NAA35: variants seen among roughly 807,000 people sequenced by gnomAD.
The protein encoded by NAA35 is MAK10 homolog, amino-acid N-acetyltransferase subunit.
NAA35 carries 18 observed loss-of-function variants against 101.7 expected under a neutral mutation model. The ratio of observed to expected loss-of-function variants is 0.18; its 90% confidence interval spans 0.12 to 0.26. The LOEUF (loss-of-function observed/expected upper bound fraction) is 0.26. NAA35 is among the 10% of genes least tolerant of loss of function. The probability of loss-of-function intolerance (pLI) is 1.00; values close to 1 mark genes in which losing one functional copy is unlikely to be tolerated. For synonymous variants in NAA35, 267 were observed against 273.1 expected, an observed-to-expected ratio of 0.98 and a Z score of 0.22; for missense variants, 601 against 886.8, an observed-to-expected ratio of 0.68 and a Z score of 4.09.
At position 86,007,460 on chromosome 9, in the gene NAA35, C is replaced by G. The variant is rs906608648; in HGVS notation, c.1219C>G (p.Pro407Ala). ...TTTTGTCAGTCCTCCGGTGCTTTCCCCCAAGTAAGTATTGTAAGACATTTT... is the reference window on the plus strand; with the variant it reads ...TTTTGTCAGTCCTCCGGTGCTTTCCGCCAAGTAAGTATTGTAAGACATTTT... Reference protein sequence around the residue: ...RSFVSPPVLSPKCYLYNNHQA... With the variant: ...RSFVSPPVLSAKCYLYNNHQA... Residue 407 changes from proline to alanine, a missense_variant, in exon 14 of 23, where the codon CCC (proline) becomes GCC (alanine). By Grantham distance (27) the Pro-to-Ala change is conservative. Around this residue, in one of 8 missense-constraint regions of NAA35, gnomAD observed 190 missense variants for 223.1 expected, o/e 0.85. Coordinates refer to ENST00000361671, the MANE Select transcript of NAA35 (RefSeq NM_024635.4). 1 of 1,611,688 alleles carries G rather than the reference C, an allele frequency of 6.2e-7. No individual in the cohort carries two copies. Among genetic ancestry groups the G allele is most frequent in the Non-Finnish European group, 8.5e-7 (1 of 1,178,166 alleles).
At chr9:85,989,027 G>A (rs1407985104) in intron 11 of NAA35, among the ~76,000 whole-genome samples, 1 of 152,178 alleles carries the variant, frequency 6.6e-6, no homozygotes, top group Non-Finnish European at 1.5e-5. Flanking sequence ...AGAGTATAAT[G>A]TGTTCCAGGA....
At chr9:85,978,233 T>C (rs1328222431) in intron 10 of NAA35, 34 bp from the exon 11 acceptor site, 1 of 1,226,656 alleles carries the variant, frequency 8.2e-7, no homozygotes, top group South Asian at 1.2e-5. Flanking sequence ...AGTGAAAGAA[T>C]ATGTAAGAAT....
intron 13 of NAA35, among the ~76,000 whole-genome samples, chr9:86,006,204 G>A (rs534395686): frequency 1.3e-5 from 2 of 152,220 alleles, no homozygotes; most frequent in South Asian, 2.1e-4. Flanking sequence ...CCAAGTGCTG[G>A]TGAGGATGTA....
chr9:85,981,756 G>T (rs1482220368), intron 11 of NAA35, among the ~76,000 whole-genome samples: 1 of 152,096 alleles, frequency 6.6e-6, no homozygotes, highest in Admixed American at 6.5e-5. Flanking sequence ...ATAATTTAAC[G>T]TTCTAATTAT....
intron 11 of NAA35, among the ~76,000 whole-genome samples, chr9:85,991,037 G>T (rs572109720): frequency 7.2e-5 from 11 of 152,268 alleles, no homozygotes; most frequent in African/African-American, 2.4e-4. Context: ...AGTGGAGAAG[G>T]GTATTTCCAC....
At chr9:85,990,883 G>A (rs577762257) in intron 11 of NAA35, among the ~76,000 whole-genome samples, 9 of 152,202 alleles carry the variant, frequency 5.9e-5, no homozygotes, top group Non-Finnish European at 1.0e-4. Flanking sequence ...TGTGGAGTAA[G>A]GAAGTGTCCA....
At chr9:86,001,507 T>C (rs1172479872) in intron 12 of NAA35, among the ~76,000 whole-genome samples, 1 of 152,178 alleles carries the variant, frequency 6.6e-6, no homozygotes, top group African/African-American at 2.4e-5. Context: ...ACTGTTGTTA[T>C]GTGGGAGTCT....
At position 86,022,127 on chromosome 9, in the gene NAA35, A is replaced by G. The variant is rs1832589723; in HGVS notation, c.*167A>G. 1 of 556,898 alleles carries G rather than the reference A, an allele frequency of 1.8e-6. No individual in the cohort carries two copies. The highest frequency in any genetic ancestry group is 1.9e-5 in the African/African-American group (1 of 52,180). The allele number at this position is 556,898 out of a possible 1,614,324, so 34.5% of individuals were successfully genotyped here. A position where few individuals can be genotyped will look rare whatever the true frequency, so the allele number is the denominator to read the frequency against. On this transcript the variant is annotated 3_prime_UTR_variant, in exon 23 of 23. Coordinates refer to ENST00000361671, the MANE Select transcript of NAA35 (RefSeq NM_024635.4). ...GACAGCCTTATATGACATGAATGAA[A>G]ACTGCTGTTTTAAAGTGGTTTATTA...
At chr9:85,954,888 G>A (rs1469869524) in intron 2 of NAA35, among the ~76,000 whole-genome samples, 3 of 152,112 alleles carry the variant, frequency 2.0e-5, no homozygotes, top group Non-Finnish European at 4.4e-5. Flanking sequence ...TGGATTACTA[G>A]TATGTGTTCT....
intron 12 of NAA35, among the ~76,000 whole-genome samples, chr9:86,000,231 C>T (rs190351933): frequency 1.3e-5 from 2 of 152,276 alleles, no homozygotes; most frequent in Admixed American, 6.5e-5. Context: ...AACAACCTTG[C>T]ATCCCAGGGA....
At chr9:85,966,524 T>TA (rs1182021694) in intron 6 of NAA35, 42 of 756,630 alleles carry the variant, frequency 5.6e-5, no homozygotes, top group Non-Finnish European at 6.9e-5. Context: ...ATCCAGGAAA[T>TA]ACAAATGAAA....
intron 6 of NAA35, among the ~76,000 whole-genome samples, chr9:85,963,478 A>G (rs1174577724): frequency 1.3e-5 from 2 of 152,048 alleles, no homozygotes; most frequent in South Asian, 2.1e-4. Flanking sequence ...TGTGTTGGCC[A>G]GGCTGATCTC....
intron 2 of NAA35, among the ~76,000 whole-genome samples, chr9:85,946,027 T>C (rs1223037414): frequency 6.6e-6 from 1 of 152,214 alleles, no homozygotes; most frequent in Non-Finnish European, 1.5e-5. Context: ...TTTTCTTTTC[T>C]AAATTATTTA....
chr9:85,954,064 A>T (rs994435676), intron 2 of NAA35, among the ~76,000 whole-genome samples: 7 of 152,106 alleles, frequency 4.6e-5, no homozygotes, highest in African/African-American at 1.7e-4. Flanking sequence ...GCTGGATCAT[A>T]TGGTAATTCT....
chr9:86,017,668 CTTTG>C (rs1832294718), intron 19 of NAA35, 103 bp downstream of exon 19: 1 of 913,800 alleles, frequency 1.1e-6, no homozygotes, highest in Admixed American at 2.8e-5. Context: ...ATAATTTCAC[CTTTG>C]TTTTACTTCC....
intron 14 of NAA35, 113 bp from the exon 15 acceptor site, chr9:86,009,752 G>T: frequency 4.4e-6 from 3 of 676,718 alleles, no homozygotes; most frequent in Non-Finnish European, 5.2e-6. Flanking sequence ...CTTAGGTATC[G>T]GTTCCATTTT....
In NAA35 at chr9:85,996,590, C is replaced by T. The variant is rs777477766; in HGVS notation, c.1056+13C>T. 1.3e-6 allele frequency: 2 copies of T among 1,514,694 alleles called. No homozygotes were observed. Among genetic ancestry groups the T allele is most frequent in the South Asian group, 2.6e-5 (2 of 75,966 alleles). The allele number at this position is 1,514,694 out of a possible 1,614,324, so 93.8% of individuals were successfully genotyped here. The stretch of plus-strand genomic sequence containing the variant: ...ACATTGTATCCTGGTAAGTACAAAT[C>T]TCTGTTCCAGAATGTAACTTCCATT... On this transcript the variant is annotated intron_variant, in intron 12 of 22. Transcript: ENST00000361671.
rs1292961204 is a variant in NAA35 at position 86,011,864 on chromosome 9, CTTAT to C, written c.1291-1178_1291-1175del. Among the ~76,000 whole-genome samples the C allele has an allele frequency of 2.1e-5, 3 of 140,484 alleles. No individual in the cohort carries two copies. The East Asian group carries it at 6.0e-4, about 28-fold the overall frequency. The allele number at this position is 140,484 out of a possible 152,430, so 92.2% of individuals were successfully genotyped here. ...TTAGACTTTGAGTTCAACTTTTAAA[CTTAT>C]TTAAATATATAAATATATATTATAT... On this transcript the variant is annotated intron_variant, in intron 15 of 22. Coordinates refer to ENST00000361671, the MANE Select transcript of NAA35 (RefSeq NM_024635.4).
At chr9:85,968,732 G>A (rs1027162069) in intron 6 of NAA35, among the ~76,000 whole-genome samples, 3 of 151,748 alleles carry the variant, frequency 2.0e-5, no homozygotes, top group Admixed American at 2.0e-4. Flanking sequence ...GCTTTGATAT[G>A]TTAGATTAGA....
Sources: allele counts gnomAD v4.1 joint callset (sites outside exome capture counted in the v4.1 genomes callset), GRCh38; gene constraint gnomAD v4.1.1; regional missense constraint gnomAD v4.1.1; transcripts MANE v1.5; gene names NCBI Gene and HGNC (gene_info 2026-07-23, HGNC 2026-07-21).